The following SFSWAP variants were observed in gnomAD, a reference collection of about 807,000 sequenced individuals.
SFSWAP encodes splicing factor, suppressor of white-apricot homolog.
A neutral mutation model predicts 100.7 loss-of-function variants in SFSWAP; 17 were observed. That is an observed-to-expected ratio of 0.17 (90% CI 0.12 to 0.25). The LOEUF (loss-of-function observed/expected upper bound fraction) is 0.25, where lower values mean the gene tolerates loss of function less well. Among genes scored for constraint, SFSWAP ranks in the 10% least tolerant of loss-of-function variants. SFSWAP has a pLI of 1.00. For synonymous variants in SFSWAP, 504 were observed against 510.1 expected (o/e 0.99, Z 0.16); for missense variants, 1,005 against 1,262.6 (o/e 0.80, Z 3.09).
chr12:131,783,647 G>A (rs1884656410), intron 14 of SFSWAP: 1 of 151,572 alleles, frequency 6.6e-6, no homozygotes. Context: ...GCCGGGCGTG[G>A]TGGTGCCTAT....
At position 131,753,206 on chromosome 12, in the gene SFSWAP, G is replaced by C. The variant is rs780510999; in HGVS notation, c.1165G>C (p.Val389Leu). The change falls in exon 8 of 18, where the codon GTG (valine) becomes CTG (leucine). Residue 389 changes from valine (V) to leucine (L), a missense_variant. Transcript: ENST00000261674. ...GGCGCCGCCCCCTCCCGGAATCGAC[G>C]TGACTACTTACTACAGCACCCTTCC... ...CLAPPPPGID[V>L]TTYYSTLPAG... 6.2e-7 allele frequency: 1 copy of C among 1,614,160 alleles called. No individual in the cohort carries two copies. Among genetic ancestry groups the C allele is most frequent in the Non-Finnish European group, 8.5e-7 (1 of 1,180,012 alleles).
intron 7 of SFSWAP, among the ~76,000 whole-genome samples, chr12:131,736,921 T>C (rs1880080027): frequency 1.3e-5 from 2 of 152,024 alleles, no homozygotes; most frequent in African/African-American, 2.4e-5. Context: ...GCCAGCGATG[T>C]GGTACTTGTG....
intron 7 of SFSWAP, among the ~76,000 whole-genome samples, chr12:131,750,595 A>G (rs1881535856): frequency 6.6e-6 from 1 of 152,154 alleles, no homozygotes; most frequent in African/African-American, 2.4e-5. Context: ...TTTAGCGTGG[A>G]GCCTCTGAAG....
At chr12:131,758,758 G>C (rs1225303390) in intron 11 of SFSWAP, among the ~76,000 whole-genome samples, 1 of 152,160 alleles carries the variant, frequency 6.6e-6, no homozygotes, top group Non-Finnish European at 1.5e-5. Flanking sequence ...ACCAGCCTGG[G>C]CAAATGACAA....
At chr12:131,767,810 C>G (rs1390212876) in intron 13 of SFSWAP, among the ~76,000 whole-genome samples, 1 of 151,986 alleles carries the variant, frequency 6.6e-6, no homozygotes, top group Non-Finnish European at 1.5e-5. Context: ...GAGAAGAGAA[C>G]AGCAGACTCG....
Position 131,753,221 on chromosome 12 carries a change from A to C in SFSWAP, c.1180A>C (p.Ser394Arg). 6.2e-7 allele frequency: 1 copy of C among 1,614,180 alleles called. No homozygotes were observed. The highest frequency in any genetic ancestry group is 8.5e-7 in the Non-Finnish European group (1 of 1,180,026). ...PPGIDVTTYYSTLPAGVTVSN... is the reference protein window; with the variant it reads ...PPGIDVTTYYRTLPAGVTVSN... ...CGGAATCGACGTGACTACTTACTAC[A>C]GCACCCTTCCTGCTGGCGTGACCGT... The change falls in exon 8 of 18, where the codon AGC becomes CGC. Residue 394 changes from serine (S) to arginine (R), a missense_variant. Transcript: ENST00000261674.
At chr12:131,746,509 G>C (rs1881115594) in intron 7 of SFSWAP, among the ~76,000 whole-genome samples, 1 of 152,192 alleles carries the variant, frequency 6.6e-6, no homozygotes, top group Admixed American at 6.5e-5. Context: ...GAACATCACT[G>C]TTCTGAGCCT....
At chr12:131,713,327 A>G (rs768021192) in intron 1 of SFSWAP, 14 of 152,250 alleles carry the variant, frequency 9.2e-5, no homozygotes, top group African/African-American at 2.9e-4. Flanking sequence ...TGGTCCATGC[A>G]AGAGAAACAT....
At chr12:131,729,978 C>T (rs1593120932) in intron 7 of SFSWAP, among the ~76,000 whole-genome samples, 2 of 152,168 alleles carry the variant, frequency 1.3e-5, no homozygotes, top group South Asian at 2.1e-4. Context: ...ATGTGTCCCC[C>T]CAAAAACCTT....
chr12:131,715,582 A>G (rs573899940), intron 3 of SFSWAP, among the ~76,000 whole-genome samples: 1 of 152,356 alleles, frequency 6.6e-6, no homozygotes, highest in East Asian at 1.9e-4. Context: ...AAATATCCTC[A>G]ATCACTTCAC....
intron 4 of SFSWAP, among the ~76,000 whole-genome samples, chr12:131,720,280 G>C (rs1289897105): frequency 6.6e-6 from 1 of 152,104 alleles, no homozygotes; most frequent in East Asian, 1.9e-4. Flanking sequence ...CCCTATAAGC[G>C]AACTACTGTT....
chr12:131,785,216 G>GT, intron 14 of SFSWAP: 1 of 1,527,162 alleles, frequency 6.5e-7, no homozygotes. Flanking sequence ...GGAAAACCTG[G>GT]TAAAACGTCA....
chr12:131,720,842 CTT>C (rs541559149), intron 4 of SFSWAP, among the ~76,000 whole-genome samples: 1 of 152,090 alleles, frequency 6.6e-6, no homozygotes, highest in South Asian at 2.1e-4. Flanking sequence ...GGTAAAATAA[CTT>C]TTTGGATTTT....
chr12:131,729,186 C>CT, intron 7 of SFSWAP, among the ~76,000 whole-genome samples: 1 of 152,194 alleles, frequency 6.6e-6, no homozygotes, highest in Admixed American at 6.5e-5. Flanking sequence ...ATAGTATTGT[C>CT]TAACACAGTT....
intron 7 of SFSWAP, among the ~76,000 whole-genome samples, chr12:131,737,607 A>G (rs937501369): frequency 2.0e-5 from 3 of 152,062 alleles, no homozygotes; most frequent in Admixed American, 6.5e-5. Context: ...AGAGACTTGC[A>G]TACCCAGTAC....
At chr12:131,746,270 G>A (rs1593140908) in intron 7 of SFSWAP, among the ~76,000 whole-genome samples, 1 of 152,352 alleles carries the variant, frequency 6.6e-6, no homozygotes, top group East Asian at 1.9e-4. Context: ...CCCTTGAGAG[G>A]TGGTTCTCAG....
At chr12:131,789,062 C>T (rs1311403833) in intron 15 of SFSWAP, among the ~76,000 whole-genome samples, 2 of 152,064 alleles carry the variant, frequency 1.3e-5, no homozygotes, top group African/African-American at 2.4e-5. Flanking sequence ...CTCACTGCGG[C>T]CTCAACCTCC....
At position 131,778,465 on chromosome 12, in the gene SFSWAP, T is replaced by G; in HGVS notation, c.2408+135T>G. ...GCAGACGCGTGTATGCATGTGCATG[T>G]GTGCCCTGCAAGTCCAAGTAAGATC... On this transcript the variant is annotated intron_variant, in intron 14 of 17. Coordinates refer to ENST00000261674, the MANE Select transcript of SFSWAP (RefSeq NM_004592.4). The surrounding 1 kb of genome is among the most constrained non-coding windows in gnomAD (Gnocchi z 4.2). The G allele has an allele frequency of 1.5e-6, 2 of 1,332,752 alleles. No homozygotes were observed. The highest frequency in any genetic ancestry group is 2.0e-6 in the Non-Finnish European group (2 of 984,282). The allele number at this position is 1,332,752 out of a possible 1,614,324, so 82.6% of individuals were successfully genotyped here. A position where few individuals can be genotyped will look rare whatever the true frequency, so the allele number is the denominator to read the frequency against.
intron 14 of SFSWAP, among the ~76,000 whole-genome samples, chr12:131,781,746 T>C (rs754039746): frequency 2.3e-4 from 35 of 152,196 alleles, no homozygotes; most frequent in Non-Finnish European, 4.6e-4. Flanking sequence ...CACTCCAATT[T>C]TTAATTAGTC....
Sources: allele counts gnomAD v4.1 joint callset (sites outside exome capture counted in the v4.1 genomes callset), GRCh38; gene constraint gnomAD v4.1.1; non-coding constraint Gnocchi (gnomAD v3.1); transcripts MANE v1.5; gene names NCBI Gene and HGNC (gene_info 2026-07-23, HGNC 2026-07-21).